The following REPS2 variants were observed in gnomAD, a reference collection of about 807,000 sequenced individuals.
REPS2 encodes the protein ralBP1-associated Eps domain-containing protein 2.
A neutral mutation model predicts 53.6 loss-of-function variants in REPS2; 23 were observed. The ratio of observed to expected loss-of-function variants is 0.43; its 90% CI spans 0.31 to 0.61. The LOEUF is 0.61. Among genes scored for constraint, REPS2 ranks in the 20% least tolerant of loss-of-function variants. The pLI, the probability that REPS2 is intolerant of heterozygous loss-of-function variation, is 0.11. For missense variants in REPS2, 446 were observed against 534.9 expected, an observed-to-expected ratio of 0.83 and a Z score of 1.64; for synonymous variants, 238 against 218.6, an observed-to-expected ratio of 1.09 and a Z score of -0.78.
chrX:17,050,194 C>CTTTTCTTTTT (rs1555926833), intron 6 of REPS2, among the ~76,000 whole-genome samples: 2 of 51,794 alleles, frequency 3.9e-5, no homozygotes, highest in Non-Finnish European at 6.2e-5. Flanking sequence ...TTCTTTCTTT[C>CTTTTCTTTTT]TTTTTTTTTT....
chrX:17,056,498 G>T (rs2062072475), intron 8 of REPS2, among the ~76,000 whole-genome samples: 1 of 111,347 alleles, frequency 9.0e-6, no homozygotes, highest in Non-Finnish European at 1.9e-5. Context: ...GACCATCCTG[G>T]CTAACACGGT....
intron 13 of REPS2, among the ~76,000 whole-genome samples, chrX:17,098,719 T>C (rs1644343430): frequency 9.0e-6 from 1 of 111,108 alleles, no homozygotes; most frequent in African/African-American, 3.3e-5. Context: ...GTCAATTCAG[T>C]GAAACTTGTG....
At chrX:17,042,217 T>C (rs1204827340) in intron 5 of REPS2, among the ~76,000 whole-genome samples, 1 of 111,620 alleles carries the variant, frequency 9.0e-6, no homozygotes, top group East Asian at 2.8e-4. Flanking sequence ...GTAGCAAACA[T>C]CTCTGCTCAG....
At chrX:16,965,143 C>A (rs1301091622) in intron 1 of REPS2, among the ~76,000 whole-genome samples, 1 of 81,304 alleles carries the variant, frequency 1.2e-5, no homozygotes. Context: ...GGGGGGCTGA[C>A]CCCCCCACCT....
At chrX:16,965,587 G>A (rs919168524) in intron 1 of REPS2, among the ~76,000 whole-genome samples, 4 of 111,103 alleles carry the variant, frequency 3.6e-5, no homozygotes, top group Admixed American at 9.4e-5. Flanking sequence ...CATCCCAGAC[G>A]GGGTGGCAGG....
At chrX:17,106,575 G>A (rs756246191) in intron 14 of REPS2, among the ~76,000 whole-genome samples, 5 of 109,213 alleles carry the variant, frequency 4.6e-5, no homozygotes, top group East Asian at 2.9e-4. Context: ...CACCACGCCC[G>A]GTTAATTTTC....
intron 13 of REPS2, among the ~76,000 whole-genome samples, chrX:17,086,336 G>A (rs1044251948): frequency 2.7e-5 from 3 of 112,222 alleles, no homozygotes; most frequent in African/African-American, 9.7e-5. Context: ...ATTGATTAAT[G>A]GGTTTACGTA....
chrX:16,947,295 C>G (rs983613545), intron 1 of REPS2, among the ~76,000 whole-genome samples, 161 bp downstream of exon 1: 1 of 112,355 alleles, frequency 8.9e-6, no homozygotes, highest in African/African-American at 3.2e-5. Flanking sequence ...CGCCCTTGTC[C>G]CCGGGGGACA....
the REPS2 span, among the ~76,000 whole-genome samples, chrX:17,161,470 A>G: frequency 1.8e-5 from 2 of 111,448 alleles, no homozygotes; most frequent in Admixed American, 1.9e-4. Flanking sequence ...GGAACTGAGA[A>G]AGGTTTATAG....
intron 13 of REPS2, 68 bp downstream of exon 13, chrX:17,077,475 A>G (rs2062397761): frequency 2.8e-6 from 3 of 1,067,592 alleles, no homozygotes; most frequent in Non-Finnish European, 1.2e-6. Flanking sequence ...TGTCTGCCAC[A>G]GTGGCCTCTG....
chrX:17,083,077 CTTTTTTTTTTT>C lies in REPS2; in HGVS notation c.1516+5683_1516+5693del, dbSNP rs746229224. The stretch of plus-strand genomic sequence containing the variant: ...TGAAATGACAGAAATGTTCCGAGCA[CTTTTTTTTTTT>C]TTTTTTTTTTTTGAGATGAAGTCTC... On this transcript the variant is annotated intron_variant, in intron 13 of 17. Coordinates refer to ENST00000357277, the MANE Select transcript of REPS2 (RefSeq NM_004726.3). Among the ~76,000 whole-genome samples the C allele has an allele frequency of 4.3e-4, 35 of 80,574 alleles. 1 individual carries two copies. The highest frequency in any genetic ancestry group is 1.8e-3 in the African/African-American group (35 of 18,946). The allele number at this position is 80,574 out of a possible 115,157, so 70.0% of individuals were successfully genotyped here. A position where few individuals can be genotyped will look rare whatever the true frequency, so the allele number is the denominator to read the frequency against.
chrX:16,999,862 C>T (rs1303259968), intron 1 of REPS2, among the ~76,000 whole-genome samples: 4 of 105,814 alleles, frequency 3.8e-5, no homozygotes, highest in Non-Finnish European at 5.8e-5. Context: ...CCGGCTAAAA[C>T]GGTGAAACCC....
rs143711317 is a variant in REPS2, at chrX:17,012,826, G to A, written c.397+6482G>A. On this transcript the variant is annotated intron_variant, in intron 2 of 17. Coordinates refer to ENST00000357277, the MANE Select transcript of REPS2 (RefSeq NM_004726.3). ...GAAACTGCTAATGGGTAATAGTTTG[G>A]GGTAAAATTCTTGACGAGATAAAAC... Among the ~76,000 whole-genome samples, 876 of 111,838 alleles carry A rather than the reference G, an allele frequency of 7.8e-3. 13 individuals are homozygous for A. Among genetic ancestry groups the A allele is most frequent in the African/African-American group, 0.028 (850 of 30,732 alleles).
At chrX:17,098,610 TTG>T (rs369203546) in intron 13 of REPS2, among the ~76,000 whole-genome samples, 2 of 103,211 alleles carry the variant, frequency 1.9e-5, no homozygotes, top group Non-Finnish European at 2.0e-5. Flanking sequence ...AAAAATGGTT[TTG>T]TGTGTGTGTG....
In REPS2 at chrX:17,138,916, C is replaced by T. The variant is rs775048344; in HGVS notation, c.1869C>T (p.Asn623=). 5.8e-6 allele frequency: 7 copies of T among 1,204,365 alleles called. No individual in the cohort carries two copies. Among genetic ancestry groups the T allele is most frequent in the Admixed American group, 2.2e-5 (1 of 44,815 alleles). Residue 623 remains asparagine, a synonymous_variant, in exon 17 of 18, where the codon AAC becomes AAT. Transcript: ENST00000357277. ...CTATCCGCAAAAATAAAGAGGCAAACGCAGTGCTGGCTCGGCTGAACAGTG... is the reference window on the plus strand; with the variant it reads ...CTATCCGCAAAAATAAAGAGGCAAATGCAGTGCTGGCTCGGCTGAACAGTG... ...QTAIRKNKEA[N]AVLARLNSEL... is the part of the protein sequence containing the mutation.
chrX:16,976,287 G>A (rs2060954057), intron 1 of REPS2, among the ~76,000 whole-genome samples: 1 of 111,239 alleles, frequency 9.0e-6, no homozygotes, highest in Non-Finnish European at 1.9e-5. Context: ...GGTAAGGGAA[G>A]CATTTTTATT....
chrX:17,103,863 C>T (rs2062838931), intron 14 of REPS2, 84 bp downstream of exon 14: 1 of 885,006 alleles, frequency 1.1e-6, no homozygotes, highest in South Asian at 2.1e-5. Flanking sequence ...GGGTTGATCG[C>T]CACAGATCTG....
chrX:17,158,945 C>G, the REPS2 span, among the ~76,000 whole-genome samples: 4 of 112,323 alleles, frequency 3.6e-5, no homozygotes, highest in East Asian at 5.6e-4. Flanking sequence ...ACAATGTAGA[C>G]CTCTGTTTCC....
the REPS2 span, among the ~76,000 whole-genome samples, chrX:17,179,636 A>T: frequency 8.9e-6 from 1 of 112,067 alleles, no homozygotes; most frequent in Non-Finnish European, 1.9e-5. Flanking sequence ...AATTATTATT[A>T]TTTTTAACAA....
Sources: gnomAD v4.1 joint callset for allele counts (sites outside exome capture counted in the v4.1 genomes callset) on GRCh38, gnomAD v4.1.1 for gene constraint, MANE v1.5 for transcripts, NCBI Gene and HGNC (gene_info 2026-07-23, HGNC 2026-07-21) for gene names.